The following MYO3B variants were observed in gnomAD, a reference collection of about 807,000 sequenced individuals.
The protein encoded by MYO3B is myosin-IIIb.
A neutral mutation model predicts 174.6 loss-of-function variants in MYO3B; 156 were observed. The observed-to-expected ratio is 0.89, with a 90% CI of 0.78 to 1.02. The LOEUF is 1.02. Among genes scored for constraint, MYO3B ranks in the 50% least tolerant of loss-of-function variants. MYO3B has a pLI of 0.00. For synonymous variants in MYO3B, 563 were observed against 569.1 expected (o/e 0.99, Z 0.15); for missense variants, 1,632 against 1,639.4 (o/e 1.00, Z 0.08).
intron 25 of MYO3B, among the ~76,000 whole-genome samples, chr2:170,467,529 CA>C (rs35442923): frequency 0.49 from 73,261 of 148,712 alleles, 18,279 homozygotes; most frequent in Non-Finnish European, 0.56. Context: ...AAAACAGTAA[CA>C]AAAAAAAAAC....
chr2:170,343,022 G>A lies in MYO3B; in HGVS notation c.815+7572G>A, dbSNP rs1054669702. Among the ~76,000 whole-genome samples, 4 of 139,558 alleles carry A rather than the reference G, an allele frequency of 2.9e-5. No homozygotes were observed. In the Admixed American group the frequency reaches 3.1e-4, roughly 11 times the overall value. 91.6% of individuals were successfully genotyped at this position (139,558 alleles called of 152,430 possible). On this transcript the variant is annotated intron_variant, in intron 8 of 34. Coordinates refer to ENST00000408978, the MANE Select transcript of MYO3B (RefSeq NM_138995.5). ...TTCAGCTCACTTACTTCCACAGTTC[G>A]GGCCTCTAACACACACACACACACA...
chr2:170,231,203 G>A (rs1480421458), intron 6 of MYO3B, among the ~76,000 whole-genome samples: 6 of 152,226 alleles, frequency 3.9e-5, no homozygotes, highest in Non-Finnish European at 8.8e-5. Flanking sequence ...AGGAGGGAGT[G>A]ACTGGGGGTA....
intron 7 of MYO3B, among the ~76,000 whole-genome samples, chr2:170,238,704 A>T (rs141021775): frequency 0.5 from 75,320 of 151,946 alleles, 19,429 homozygotes; most frequent in East Asian, 0.71. Context: ...AGTTAAAAAA[A>T]GATTTATGAG....
chr2:170,224,484 T>C (rs1200711231), intron 6 of MYO3B, among the ~76,000 whole-genome samples: 1 of 152,136 alleles, frequency 6.6e-6, no homozygotes, highest in Non-Finnish European at 1.5e-5. Context: ...CACCAGCTCA[T>C]ATAACAAAGA....
intron 30 of MYO3B, 146 bp from the exon 31 acceptor site, chr2:170,542,760 G>A: frequency 1.7e-6 from 1 of 601,248 alleles, no homozygotes; most frequent in Non-Finnish European, 2.8e-6. Context: ...AGGTGACCAT[G>A]TCCTTTTAAC....
At chr2:170,560,054 A>C (rs1235330935) in intron 32 of MYO3B, among the ~76,000 whole-genome samples, 1 of 152,192 alleles carries the variant, frequency 6.6e-6, no homozygotes, top group Non-Finnish European at 1.5e-5. Flanking sequence ...GCATCTAATA[A>C]AGTTTAGCTG....
At chr2:170,422,704 C>T (rs2105860652) in intron 22 of MYO3B, among the ~76,000 whole-genome samples, 1 of 152,176 alleles carries the variant, frequency 6.6e-6, no homozygotes, top group East Asian at 1.9e-4. Context: ...GATCCACCCG[C>T]CTTGGCCCCC....
At chr2:170,648,675 AATATATATTATATTCTATATAAT>A (rs2105478231) in intron 32 of MYO3B, among the ~76,000 whole-genome samples, 1 of 101,414 alleles carries the variant, frequency 9.9e-6, no homozygotes, top group African/African-American at 4.1e-5. Flanking sequence ...TATTCTATAT[AATATATATTATATTCTATATAAT>A]ATATATTATA....
At position 170,654,647 on chromosome 2, in the gene MYO3B, CAAAAAAAAAAAAAAAA is replaced by C. The variant is rs1214280064; in HGVS notation, c.*1537_*1552del. On this transcript the variant is annotated 3_prime_UTR_variant, in exon 35 of 35. Transcript: ENST00000408978. Reference sequence around the variant, plus strand: ...TGGGCGACAGGGCAAGACTCTGTCTCAAAAAAAAAAAAAAAAAAAAAAAAAAGAGATAGTATGCAAG... The same window carrying C: ...TGGGCGACAGGGCAAGACTCTGTCTCAAAAAAAAAAGAGATAGTATGCAAG... 1.3e-4 allele frequency: 6 copies of C among 46,272 alleles called. No homozygotes were observed. The highest frequency in any genetic ancestry group is 2.2e-4 in the African/African-American group (3 of 13,830). The allele number at this position is 46,272 out of a possible 1,614,324, so 2.9% of individuals were successfully genotyped here.
At chr2:170,445,057 G>T (rs575322907) in intron 23 of MYO3B, among the ~76,000 whole-genome samples, 1 of 152,276 alleles carries the variant, frequency 6.6e-6, no homozygotes, top group South Asian at 2.1e-4. Context: ...GAAATACGGG[G>T]TCAATACTTA....
At chr2:170,191,831 C>T (rs907424317) in intron 1 of MYO3B, among the ~76,000 whole-genome samples, 1 of 152,120 alleles carries the variant, frequency 6.6e-6, no homozygotes, top group Non-Finnish European at 1.5e-5. Flanking sequence ...TATGAAGGTG[C>T]TTTTTTGTGT....
At chr2:170,479,488 A>G (rs1685541579) in intron 25 of MYO3B, among the ~76,000 whole-genome samples, 2 of 145,794 alleles carry the variant, frequency 1.4e-5, no homozygotes, top group East Asian at 3.9e-4. Context: ...TTAAAAACCT[A>G]TATATAAATA....
chr2:170,542,433 A>T (rs747225959), intron 30 of MYO3B, among the ~76,000 whole-genome samples: 8 of 152,200 alleles, frequency 5.3e-5, no homozygotes, highest in Non-Finnish European at 1.0e-4. Flanking sequence ...GTATATTGTA[A>T]TTTTAAAAGA....
At chr2:170,254,433 G>A (rs904049262) in intron 7 of MYO3B, among the ~76,000 whole-genome samples, 3 of 151,916 alleles carry the variant, frequency 2.0e-5, no homozygotes, top group South Asian at 2.1e-4. Flanking sequence ...TGCGGGACTC[G>A]GGGGGGCGCA....
At chr2:170,321,852 A>G (rs924867382) in intron 7 of MYO3B, among the ~76,000 whole-genome samples, 1 of 152,184 alleles carries the variant, frequency 6.6e-6, no homozygotes, top group African/African-American at 2.4e-5. Flanking sequence ...GCAGTGGCTC[A>G]TACCTGTAAT....
At chr2:170,403,911 G>C (rs1179335986) in intron 19 of MYO3B, among the ~76,000 whole-genome samples, 1 of 151,938 alleles carries the variant, frequency 6.6e-6, no homozygotes, top group Admixed American at 6.6e-5. Flanking sequence ...AGAGAAGTCT[G>C]TTTTCTTGGT....
chr2:170,597,229 C>T (rs948435876), intron 32 of MYO3B, among the ~76,000 whole-genome samples: 3 of 151,906 alleles, frequency 2.0e-5, no homozygotes, highest in South Asian at 2.1e-4. Context: ...CAAAATTAGC[C>T]GGGCATGGTG....
chr2:170,593,414 T>G (rs1217276556), intron 32 of MYO3B, among the ~76,000 whole-genome samples: 2 of 152,220 alleles, frequency 1.3e-5, no homozygotes, highest in African/African-American at 4.8e-5. Context: ...CATCTCCATT[T>G]TATAAATAAG....
chr2:170,541,592 A>G (rs922935309), intron 30 of MYO3B, among the ~76,000 whole-genome samples: 4 of 152,212 alleles, frequency 2.6e-5, no homozygotes, highest in Admixed American at 1.3e-4. Context: ...ATGAAGTAGT[A>G]TATAAATGAT....
Sources: allele counts gnomAD v4.1 joint callset (sites outside exome capture counted in the v4.1 genomes callset), GRCh38; gene constraint gnomAD v4.1.1; transcripts MANE v1.5; gene names NCBI Gene and HGNC (gene_info 2026-07-23, HGNC 2026-07-21).